CHM: variants seen among roughly 807,000 people sequenced by gnomAD.
CHM encodes CHM Rab escort protein.
A neutral mutation model predicts 49.0 loss-of-function variants in CHM; 10 were observed. The ratio of observed to expected loss-of-function variants is 0.20; its 90% confidence interval spans 0.13 to 0.35. CHM has a LOEUF of 0.35. Ranked by LOEUF, CHM falls within the 10% of genes least tolerant of loss-of-function variation. CHM has a pLI of 1.00. For missense variants in CHM, 455 were observed against 478.4 expected (o/e 0.95, Z 0.46); for synonymous variants, 184 against 167.5 (o/e 1.10, Z -0.76).
intron 4 of CHM, among the ~76,000 whole-genome samples, chrX:85,973,150 T>A (rs1603267170): frequency 1.9e-5 from 2 of 105,444 alleles, no homozygotes; most frequent in African/African-American, 6.9e-5. Context: ...AATACAAAAA[T>A]TAGCTGCGCA....
intron 8 of CHM, among the ~76,000 whole-genome samples, chrX:85,930,440 C>T (rs371639042): frequency 2.7e-5 from 3 of 111,900 alleles, no homozygotes; most frequent in East Asian, 5.6e-4. Context: ...GGTCAAAGTT[C>T]CTATTTAAAT....
intron 9 of CHM, among the ~76,000 whole-genome samples, chrX:85,906,961 G>A (rs1194717149): frequency 2.7e-5 from 3 of 110,587 alleles, no homozygotes; most frequent in Non-Finnish European, 3.8e-5. Context: ...GGCAAAACCC[G>A]TCTCTACTAA....
intron 8 of CHM, among the ~76,000 whole-genome samples, chrX:85,943,196 T>C (rs1431791161): frequency 9.1e-6 from 1 of 109,784 alleles, no homozygotes; most frequent in Non-Finnish European, 1.9e-5. Flanking sequence ...AGGGCTAATA[T>C]CCAGAATCTA....
chrX:85,963,219 C>T (rs984634869), intron 5 of CHM, among the ~76,000 whole-genome samples: 2 of 111,620 alleles, frequency 1.8e-5, no homozygotes, highest in South Asian at 3.7e-4. Context: ...ATGTTCCCCT[C>T]GCTGTGTCCA....
At chrX:85,911,129 G>GTGTGTGTGTATA (rs1219677231) in intron 9 of CHM, 132 bp downstream of exon 9, 2 of 6,907 alleles carry the variant, frequency 2.9e-4, no homozygotes, top group East Asian at 5.1e-3. Context: ...GTGTGTATAT[G>GTGTGTGTGTATA]TATATATATA....
chrX:86,034,683 G>A (rs1292719352), intron 1 of CHM, among the ~76,000 whole-genome samples: 2 of 111,582 alleles, frequency 1.8e-5, no homozygotes, highest in African/African-American at 6.5e-5. Flanking sequence ...GGGAGGCTGA[G>A]GCAGGAGGAT....
intron 2 of CHM, among the ~76,000 whole-genome samples, chrX:86,023,742 CA>C (rs1933700907): frequency 9.0e-6 from 1 of 111,186 alleles, no homozygotes; most frequent in South Asian, 3.8e-4. Flanking sequence ...CCACAGATTA[CA>C]TCTCTAACAA....
At chrX:86,012,120 A>G (rs1933101182) in intron 2 of CHM, among the ~76,000 whole-genome samples, 2 of 111,975 alleles carry the variant, frequency 1.8e-5, no homozygotes, top group African/African-American at 6.5e-5. Flanking sequence ...GGAAATGCAA[A>G]ACCACTCGGC....
At chrX:85,886,253 A>T (rs1925080308) in intron 12 of CHM, among the ~76,000 whole-genome samples, 1 of 112,198 alleles carries the variant, frequency 8.9e-6, no homozygotes, top group Non-Finnish European at 1.9e-5. Flanking sequence ...CATAATAAGC[A>T]TATTTAGCAT....
chrX:85,951,961 T>C (rs192157786), intron 8 of CHM, among the ~76,000 whole-genome samples: 358 of 111,932 alleles, frequency 3.2e-3, no homozygotes, highest in Middle Eastern at 4.6e-3. Context: ...GGTGCTGCCC[T>C]GTCAGTGGAG....
rs140566714 is a variant in CHM, at chrX:85,963,778, T to C, written c.589A>G (p.Ser197Gly). 44 of 1,210,305 alleles carry C rather than the reference T, an allele frequency of 3.6e-5. No individual in the cohort carries two copies. The highest frequency in any genetic ancestry group is 4.7e-5 in the Non-Finnish European group (42 of 895,250). Residue 197 changes from serine (S) to glycine (G), a missense_variant, in exon 5 of 15, where the codon AGT becomes GGT. Transcript: ENST00000357749. ...TCTTCTGCTATAGGCACATTTTCAC[T>C]CATGTCTTCTGCTGAAGTTGATGGC... Reference protein sequence around the residue: ...CVPSTSAEDMSENVPIAEDTT... With the variant: ...CVPSTSAEDMGENVPIAEDTT...
intron 13 of CHM, among the ~76,000 whole-genome samples, chrX:85,874,213 T>A (rs1228972563): frequency 8.9e-6 from 1 of 112,081 alleles, no homozygotes; most frequent in East Asian, 2.8e-4. Context: ...TATTTCTTGC[T>A]AATTTGATAA....
At chrX:85,890,166 A>G (rs1925351457) in intron 12 of CHM, among the ~76,000 whole-genome samples, 1 of 111,819 alleles carries the variant, frequency 8.9e-6, no homozygotes, top group Non-Finnish European at 1.9e-5. Context: ...CTTGTAATGA[A>G]CCTGTGCATA....
At chrX:85,971,643 C>T in intron 4 of CHM, 1 of 265,536 alleles carries the variant, frequency 3.8e-6, no homozygotes, top group Non-Finnish European at 7.3e-6. Context: ...AAAGCCTCCA[C>T]AGTGTGGAAG....
At chrX:85,972,966 T>C (rs1931031580) in intron 4 of CHM, among the ~76,000 whole-genome samples, 1 of 111,609 alleles carries the variant, frequency 9.0e-6, no homozygotes, top group African/African-American at 3.3e-5. Flanking sequence ...ATACACATTT[T>C]ACTCTTCCTT....
intron 12 of CHM, among the ~76,000 whole-genome samples, chrX:85,888,223 C>T (rs1025602469): frequency 8.9e-6 from 1 of 111,931 alleles, no homozygotes; most frequent in African/African-American, 3.2e-5. Flanking sequence ...GATGTGGTGC[C>T]CTGCATCCCA....
At chrX:85,902,668 T>A (rs187134697) in intron 9 of CHM, among the ~76,000 whole-genome samples, 3 of 111,705 alleles carry the variant, frequency 2.7e-5, no homozygotes, top group African/African-American at 9.7e-5. Flanking sequence ...TATTTACATC[T>A]GATATTCTCC....
chrX:86,021,599 T>C (rs1175837089), intron 2 of CHM, among the ~76,000 whole-genome samples: 1 of 110,867 alleles, frequency 9.0e-6, no homozygotes, highest in South Asian at 3.8e-4. Context: ...GTATAGCCAC[T>C]ATGCAAAACA....
intron 11 of CHM, among the ~76,000 whole-genome samples, chrX:85,900,052 C>G: frequency 9.0e-6 from 1 of 111,721 alleles, no homozygotes; most frequent in African/African-American, 3.2e-5. Flanking sequence ...TGATCCACCA[C>G]TCCCATGTTC....
Sources: allele counts gnomAD v4.1 joint callset (sites outside exome capture counted in the v4.1 genomes callset), GRCh38; gene constraint gnomAD v4.1.1; transcripts MANE v1.5; gene names NCBI Gene and HGNC (gene_info 2026-07-23, HGNC 2026-07-21).